Variants in AGAP1 observed in about 807,000 individuals in gnomAD.
AGAP1 encodes the protein arf-GAP with GTPase, ANK repeat and PH domain-containing protein 1.
A neutral mutation model predicts 105.3 loss-of-function variants in AGAP1; 29 were observed. The ratio of observed to expected loss-of-function variants is 0.28; its 90% CI spans 0.21 to 0.38. The LOEUF (loss-of-function observed/expected upper bound fraction) is 0.38, where lower values mean the gene tolerates loss of function less well. AGAP1 is among the 10% of genes least tolerant of loss of function. The probability of loss-of-function intolerance (pLI) is 1.00; values close to 1 mark genes in which losing one functional copy is unlikely to be tolerated. For missense variants in AGAP1, 998 were observed against 1,165.1 expected (o/e 0.86, Z 2.09); for synonymous variants, 509 against 485.9 (o/e 1.05, Z -0.63).
In AGAP1 at chr2:235,557,586, C is replaced by G. The variant is rs1290437920; in HGVS notation, c.163+62737C>G. Among the ~76,000 whole-genome samples, 2 of 152,182 alleles carry G rather than the reference C, an allele frequency of 1.3e-5. No homozygotes were observed. Among genetic ancestry groups the G allele is most frequent in the Admixed American group, 1.3e-4 (2 of 15,286 alleles). On this transcript the variant is annotated intron_variant, in intron 1 of 17. Transcript: ENST00000304032. The surrounding 1 kb of genome is among the most constrained non-coding windows in gnomAD (Gnocchi z 4.7). The stretch of plus-strand genomic sequence containing the variant: ...CCTTTTTTTCTGTGCCAATAACTCT[C>G]AGTGCTTAACCTGAAGAAGCCCACT...
intron 1 of AGAP1, among the ~76,000 whole-genome samples, chr2:235,687,541 A>G (rs1397824246): frequency 6.6e-6 from 1 of 152,226 alleles, no homozygotes; most frequent in African/African-American, 2.4e-5. Context: ...GTGAGTTTCC[A>G]AACAGATATA....
intron 12 of AGAP1, 124 bp from the exon 13 acceptor site, chr2:235,968,338 A>C: frequency 7.3e-6 from 9 of 1,229,792 alleles, no homozygotes; most frequent in Non-Finnish European, 8.8e-6. Context: ...CAGTAATGGG[A>C]TGTTATTTGC....
Position 236,072,138 on chromosome 2 carries a change from T to G in AGAP1, c.2114+22857T>G, listed in dbSNP as rs2058514545. On this transcript the variant is annotated intron_variant, in intron 16 of 17. Transcript: ENST00000304032. Reference sequence around the variant, plus strand: ...TCTTCGTTGTGGGTTTTTTTTTTTTTTTTTTTTTTTAGAGATAAGGTCACC... The same window carrying G: ...TCTTCGTTGTGGGTTTTTTTTTTTTGTTTTTTTTTTAGAGATAAGGTCACC... 2.0e-5 allele frequency among the ~76,000 whole-genome samples: 3 copies of G among 149,710 alleles called. No homozygotes were observed. In the East Asian group the frequency reaches 5.8e-4, roughly 29 times the overall value.
chr2:235,677,000 T>C (rs1948776749), intron 1 of AGAP1, among the ~76,000 whole-genome samples: 1 of 152,184 alleles, frequency 6.6e-6, no homozygotes, highest in Admixed American at 6.5e-5. Context: ...TTGTTTTGGT[T>C]TAGGTTTTAT....
At position 236,087,012 on chromosome 2, in the gene AGAP1, C is replaced by T. The variant is rs1389716208; in HGVS notation, c.2115-33180C>T. 2.6e-5 allele frequency among the ~76,000 whole-genome samples: 4 copies of T among 151,950 alleles called. No individual in the cohort carries two copies. Among genetic ancestry groups the T allele is most frequent in the African/African-American group, 9.7e-5 (4 of 41,334 alleles). On this transcript the variant is annotated intron_variant, in intron 16 of 17. Transcript: ENST00000304032. The surrounding 1 kb of genome is among the most constrained non-coding windows in gnomAD (Gnocchi z 5.7). ...TGGCAAACACTCGGGAAACCCAGGACAGAGGAGGTAGGTAAACTCAGGAAA... is the reference window on the plus strand; with the variant it reads ...TGGCAAACACTCGGGAAACCCAGGATAGAGGAGGTAGGTAAACTCAGGAAA...
intron 16 of AGAP1, among the ~76,000 whole-genome samples, chr2:236,091,744 CCT>C (rs1280958837): frequency 2.0e-5 from 3 of 152,216 alleles, no homozygotes; most frequent in Non-Finnish European, 4.4e-5. Context: ...TGAACTCCAG[CCT>C]GGGCAACAGA....
At chr2:235,910,075 T>C (rs1325528235) in intron 11 of AGAP1, among the ~76,000 whole-genome samples, 1 of 152,214 alleles carries the variant, frequency 6.6e-6, no homozygotes. Flanking sequence ...TGCTGCACTT[T>C]CCTCTTCTGA....
chr2:235,895,511 A>G (rs542615971), intron 10 of AGAP1, among the ~76,000 whole-genome samples: 1 of 151,834 alleles, frequency 6.6e-6, no homozygotes, highest in Non-Finnish European at 1.5e-5. Context: ...CCTCTTTCCA[A>G]TCCTGGCTTA....
chr2:235,902,344 ATT>A (rs1030093755), intron 10 of AGAP1, among the ~76,000 whole-genome samples: 1 of 151,918 alleles, frequency 6.6e-6, no homozygotes, highest in Non-Finnish European at 1.5e-5. Context: ...TGAAATCACT[ATT>A]TTTTTTCCTC....
chr2:235,963,574 C>G lies in AGAP1; in HGVS notation c.1484-4888C>G, dbSNP rs1181074785. ...TGACAAGATTTTTCCTTGGTTTCCT[C>G]ATAGGCAAGTTGAAAGATATGTGAG... On this transcript the variant is annotated intron_variant, in intron 12 of 17. Transcript: ENST00000304032. The surrounding 1 kb of genome is among the most constrained non-coding windows in gnomAD (Gnocchi z 5.1). 6.6e-6 allele frequency among the ~76,000 whole-genome samples: 1 copy of G among 152,172 alleles called. No homozygotes were observed. Among genetic ancestry groups the G allele is most frequent in the Non-Finnish European group, 1.5e-5 (1 of 68,038 alleles).
chr2:235,772,010 T>TG (rs1955497923), intron 6 of AGAP1, among the ~76,000 whole-genome samples: 2 of 150,496 alleles, frequency 1.3e-5, no homozygotes, highest in African/African-American at 4.9e-5. Context: ...TTTTTTTTTT[T>TG]TTTGAGTTGG....
Position 235,777,184 on chromosome 2 carries a change from C to G in AGAP1, c.674-20575C>G. 2.6e-6 allele frequency: 1 copy of G among 385,258 alleles called. No individual in the cohort carries two copies. The highest frequency in any genetic ancestry group is 7.3e-5 in the East Asian group (1 of 13,656). 23.9% of individuals were successfully genotyped at this position (385,258 alleles called of 1,614,324 possible). A position where few individuals can be genotyped will look rare whatever the true frequency, so the allele number is the denominator to read the frequency against. On this transcript the variant is annotated intron_variant, in intron 6 of 17. Coordinates refer to ENST00000304032, the MANE Select transcript of AGAP1 (RefSeq NM_001037131.3). This position sits in a 1 kb window ranked among gnomAD's most constrained non-coding sequence, Gnocchi z 5.1. ...CCATCCTGGCTAACACAGTGAAACCCTGTCTCTACTAAAAATACAAAAAAT... is the reference window on the plus strand; with the variant it reads ...CCATCCTGGCTAACACAGTGAAACCGTGTCTCTACTAAAAATACAAAAAAT...
At position 236,121,566 on chromosome 2, in the gene AGAP1, T is replaced by C. The variant is rs894543159; in HGVS notation, c.2370+1119T>C. On this transcript the variant is annotated intron_variant, in intron 17 of 17. Transcript: ENST00000304032. The surrounding 1 kb of genome is among the most constrained non-coding windows in gnomAD (Gnocchi z 4.9). ...CACCCGCCTCGGCCTCCCAAAGTGC[T>C]GGGAGTACAGGCATGACCCACCACG... Among the ~76,000 whole-genome samples the C allele has an allele frequency of 6.6e-6, 1 of 152,214 alleles. No homozygotes were observed. Among genetic ancestry groups the C allele is most frequent in the African/African-American group, 2.4e-5 (1 of 41,460 alleles).
At position 235,882,620 on chromosome 2, in the gene AGAP1, C is replaced by T. The variant is rs1009257742; in HGVS notation, c.1051-725C>T. 1.3e-5 allele frequency: 5 copies of T among 386,326 alleles called. No homozygotes were observed. Among genetic ancestry groups the T allele is most frequent in the Non-Finnish European group, 1.5e-5 (3 of 204,966 alleles). 23.9% of individuals were successfully genotyped at this position (386,326 alleles called of 1,614,324 possible). Reference sequence around the variant, plus strand: ...CTGGGATTATAGGTGCCCACCACTGCGTCCAGCTAATTTTTGTATTTTTAG... The same window carrying T: ...CTGGGATTATAGGTGCCCACCACTGTGTCCAGCTAATTTTTGTATTTTTAG... On this transcript the variant is annotated intron_variant, in intron 9 of 17. Coordinates refer to ENST00000304032, the MANE Select transcript of AGAP1 (RefSeq NM_001037131.3). This position sits in a 1 kb window ranked among gnomAD's most constrained non-coding sequence, Gnocchi z 4.6.
At chr2:236,111,128 G>A (rs989445994) in intron 16 of AGAP1, among the ~76,000 whole-genome samples, 2 of 152,186 alleles carry the variant, frequency 1.3e-5, no homozygotes, top group Admixed American at 6.5e-5. Flanking sequence ...TCAGCAAATG[G>A]ATTTGGGGTG....
At chr2:236,093,107 A>G (rs2059105964) in intron 16 of AGAP1, among the ~76,000 whole-genome samples, 1 of 152,254 alleles carries the variant, frequency 6.6e-6, no homozygotes, top group Non-Finnish European at 1.5e-5. Context: ...GTAAACAGAG[A>G]GGATGAGGGA....
rs372474869 is a variant in AGAP1, at chr2:235,631,635, C to G, written c.164-77544C>G. Among the ~76,000 whole-genome samples, 760 of 152,312 alleles carry G rather than the reference C, an allele frequency of 5.0e-3. 5 individuals are homozygous for G. Among genetic ancestry groups the G allele is most frequent in the African/African-American group, 0.018 (736 of 41,574 alleles). ...CCCTGGGCTTGCTTTCCGTGTGATT[C>G]TGGGCAAGTTGGTTAACCTCTCTGT... On this transcript the variant is annotated intron_variant, in intron 1 of 17. Transcript: ENST00000304032. The surrounding 1 kb of genome is among the most constrained non-coding windows in gnomAD (Gnocchi z 5.4).
intron 1 of AGAP1, among the ~76,000 whole-genome samples, chr2:235,581,762 G>C (rs949081627): frequency 1.3e-5 from 2 of 152,100 alleles, no homozygotes; most frequent in Non-Finnish European, 2.9e-5. Context: ...CCGAGATCGT[G>C]CTACTGCACT....
chr2:235,553,065 A>C lies in AGAP1; in HGVS notation c.163+58216A>C, dbSNP rs997749481. ...TTCCTCTGAGCCTCTGCTTTATTTC[A>C]TCTGCAAGTAGCATTAATACTATAA... On this transcript the variant is annotated intron_variant, in intron 1 of 17. Transcript: ENST00000304032. The surrounding 1 kb of genome is among the most constrained non-coding windows in gnomAD (Gnocchi z 4.5). Among the ~76,000 whole-genome samples, 1 of 152,186 alleles carries C rather than the reference A, an allele frequency of 6.6e-6. No homozygotes were observed. The highest frequency in any genetic ancestry group is 2.4e-5 in the African/African-American group (1 of 41,436).
Sources: allele counts gnomAD v4.1 joint callset (sites outside exome capture counted in the v4.1 genomes callset), GRCh38; gene constraint gnomAD v4.1.1; non-coding constraint Gnocchi (gnomAD v3.1); transcripts MANE v1.5; gene names NCBI Gene and HGNC (gene_info 2026-07-23, HGNC 2026-07-21).